Variants in NRXN1 observed in about 807,000 individuals in gnomAD.
The protein encoded by NRXN1 is neurexin-1.
In NRXN1, 39 loss-of-function variants were observed where a neutral mutation model predicts 150.9. That is an observed-to-expected ratio of 0.26 (90% confidence interval 0.20 to 0.34). The LOEUF (loss-of-function observed/expected upper bound fraction) is 0.34. Among genes scored for constraint, NRXN1 ranks in the 10% least tolerant of loss-of-function variants. The pLI is 1.00. For missense variants in NRXN1, 1,815 were observed against 1,949.9 expected (o/e 0.93, Z 1.30); for synonymous variants, 924 against 757.0 (o/e 1.22, Z -3.62).
At chr2:50,173,584 A>G (rs1381825679) in intron 18 of NRXN1, among the ~76,000 whole-genome samples, 1 of 152,206 alleles carries the variant, frequency 6.6e-6, no homozygotes, top group African/African-American at 2.4e-5. Flanking sequence ...ATTATTTGCC[A>G]TGCCAATTAT....
At chr2:50,585,406 ATT>A (rs1488179306) in intron 8 of NRXN1, among the ~76,000 whole-genome samples, 4 of 152,132 alleles carry the variant, frequency 2.6e-5, no homozygotes, top group African/African-American at 9.7e-5. Context: ...ATGGGTGTAG[ATT>A]ATCAGTTTTG....
At chr2:50,573,167 C>T (rs1214318661) in intron 8 of NRXN1, among the ~76,000 whole-genome samples, 1 of 151,818 alleles carries the variant, frequency 6.6e-6, no homozygotes, top group African/African-American at 2.4e-5. Context: ...CTCAGGAGTT[C>T]GAGACCAGCC....
At chr2:51,013,454 G>T (rs1351868863) in intron 2 of NRXN1, among the ~76,000 whole-genome samples, 2 of 142,520 alleles carry the variant, frequency 1.4e-5, no homozygotes, top group African/African-American at 5.1e-5. Context: ...AAATAGAGTT[G>T]TTTTTTTTTT....
intron 17 of NRXN1, among the ~76,000 whole-genome samples, chr2:50,419,250 G>A (rs568925420): frequency 8.9e-4 from 135 of 152,158 alleles, no homozygotes; most frequent in African/African-American, 3.0e-3. Flanking sequence ...TAAGGCAATC[G>A]TATCTTTCAG....
intron 21 of NRXN1, among the ~76,000 whole-genome samples, chr2:50,008,179 T>A (rs1295925966): frequency 6.6e-6 from 1 of 152,156 alleles, no homozygotes; most frequent in East Asian, 1.9e-4. Flanking sequence ...ATGTTTTAAA[T>A]AGCATTGATA....
rs530234355 is a variant in NRXN1, at chr2:50,069,368, T to C, written c.3719-14324A>G. On this transcript the variant is annotated intron_variant, in intron 19 of 22. Transcript: ENST00000401669. ...GCTGACCCTCAATGCTAATGGCCCA[T>C]GGTCCCAGGTATCAGATGGTGTTGT... Among the ~76,000 whole-genome samples the C allele has an allele frequency of 1.4e-3, 206 of 152,272 alleles. 1 individual carries two copies. Among genetic ancestry groups the C allele is most frequent in the African/African-American group, 4.8e-3 (199 of 41,554 alleles).
chr2:49,971,232 T>C (rs1304613661), intron 21 of NRXN1, among the ~76,000 whole-genome samples: 1 of 152,140 alleles, frequency 6.6e-6, no homozygotes, highest in Non-Finnish European at 1.5e-5. Context: ...GTTAATTGAT[T>C]GCCCTTGTAC....
intron 5 of NRXN1, among the ~76,000 whole-genome samples, chr2:50,887,063 A>C (rs17571081): frequency 0.15 from 23,454 of 151,334 alleles, 2,103 homozygotes; most frequent in Middle Eastern, 0.23. Context: ...CATCACTTTT[A>C]AGAATATATT....
chr2:49,957,495 C>T (rs1203298924), intron 21 of NRXN1, among the ~76,000 whole-genome samples: 1 of 152,138 alleles, frequency 6.6e-6, no homozygotes, highest in Non-Finnish European at 1.5e-5. Context: ...ACACCCTTCA[C>T]AGAGAAAGTA....
chr2:50,443,086 G>GCTTGGCTGTGAAGGAA (rs2086103713), intron 17 of NRXN1, among the ~76,000 whole-genome samples: 1 of 152,050 alleles, frequency 6.6e-6, no homozygotes, highest in Non-Finnish European at 1.5e-5. Flanking sequence ...CTTTCACAGA[G>GCTTGGCTGTGAAGGAA]CTTGGCTGTG....
chr2:50,889,765 A>G (rs1051764800), intron 5 of NRXN1, among the ~76,000 whole-genome samples: 1 of 151,684 alleles, frequency 6.6e-6, no homozygotes, highest in African/African-American at 2.4e-5. Context: ...AAATGTAAAT[A>G]CTAATAAAAT....
At chr2:50,589,383 T>G (rs1169455662) in intron 8 of NRXN1, 1 of 152,252 alleles carries the variant, frequency 6.6e-6, no homozygotes, top group African/African-American at 2.4e-5. Context: ...AGTAGTTTCC[T>G]GCTAAGGAAG....
chr2:50,108,398 T>C (rs1701954958), intron 18 of NRXN1, among the ~76,000 whole-genome samples: 1 of 152,030 alleles, frequency 6.6e-6, no homozygotes, highest in Non-Finnish European at 1.5e-5. Context: ...AGGTAACCAT[T>C]ATTAAGATCA....
intron 5 of NRXN1, among the ~76,000 whole-genome samples, chr2:50,744,077 T>C (rs572453503): frequency 6.6e-6 from 1 of 152,278 alleles, no homozygotes; most frequent in South Asian, 2.1e-4. Context: ...TGATTTCACA[T>C]GTGTTGAGAA....
intron 5 of NRXN1, among the ~76,000 whole-genome samples, chr2:50,866,372 T>C (rs1676942859): frequency 1.3e-5 from 2 of 152,072 alleles, no homozygotes; most frequent in African/African-American, 4.8e-5. Flanking sequence ...CGACAGCTTT[T>C]TGCAGTTAAA....
chr2:50,966,290 AG>A (rs1282002361), intron 2 of NRXN1, among the ~76,000 whole-genome samples: 1 of 151,348 alleles, frequency 6.6e-6, no homozygotes, highest in Non-Finnish European at 1.5e-5. Flanking sequence ...GCTGCCCATA[AG>A]TCAATTAAAT....
rs66612444 is a variant in NRXN1, at chr2:49,920,697, C to CGTGTGTGTGTGT, written c.*1235_*1246dup. The CGTGTGTGTGTGT allele has an allele frequency of 1.4e-5, 2 of 142,850 alleles. No homozygotes were observed. The highest frequency in any genetic ancestry group is 7.1e-5 in the Admixed American group (1 of 14,128). 8.8% of individuals were successfully genotyped at this position (142,850 alleles called of 1,614,324 possible). On this transcript the variant is annotated 3_prime_UTR_variant, in exon 23 of 23. Transcript: ENST00000401669. ...CATATCTGATGGATTGCTGTGGATT[C>CGTGTGTGTGTGT]GTGTGTGTGTGTGTGTGTGTGTGTG...
At chr2:50,370,336 T>G (rs1324347698) in intron 17 of NRXN1, among the ~76,000 whole-genome samples, 1 of 151,944 alleles carries the variant, frequency 6.6e-6, no homozygotes, top group East Asian at 1.9e-4. Flanking sequence ...CTGGACTTAG[T>G]GAATTTGTAG....
At chr2:50,832,043 G>T (rs1010371765) in intron 5 of NRXN1, among the ~76,000 whole-genome samples, 2 of 152,164 alleles carry the variant, frequency 1.3e-5, no homozygotes, top group African/African-American at 4.8e-5. Flanking sequence ...CAACTGTAAA[G>T]ATTTTGAGTG....
Sources: allele counts gnomAD v4.1 joint callset (sites outside exome capture counted in the v4.1 genomes callset), GRCh38; gene constraint gnomAD v4.1.1; transcripts MANE v1.5; gene names NCBI Gene and HGNC (gene_info 2026-07-23, HGNC 2026-07-21).